Variants in SALL4 observed in about 807,000 individuals in gnomAD.
SALL4 encodes spalt like transcription factor 4.
A neutral mutation model predicts 60.8 loss-of-function variants in SALL4; 4 were observed. That is an observed-to-expected ratio of 0.07 (90% CI 0.03 to 0.15). The LOEUF (loss-of-function observed/expected upper bound fraction) is 0.15, where lower values mean the gene tolerates loss of function less well. SALL4 is among the 10% of genes least tolerant of loss of function. The probability of loss-of-function intolerance (pLI) is 1.00; values close to 1 mark genes in which losing one functional copy is unlikely to be tolerated. For synonymous variants in SALL4, 580 were observed against 574.9 expected (o/e 1.01, Z -0.13); for missense variants, 1,178 against 1,394.7 (o/e 0.84, Z 2.48).
intron 1 of SALL4, among the ~76,000 whole-genome samples, chr20:51,800,674 C>T (rs1349153463): frequency 6.6e-6 from 1 of 152,132 alleles, no homozygotes; most frequent in Non-Finnish European, 1.5e-5. Flanking sequence ...TGAGGGTTAA[C>T]CCTTTTGTTC....
At chr20:51,797,738 T>A (rs2078087371) in intron 1 of SALL4, among the ~76,000 whole-genome samples, 1 of 148,330 alleles carries the variant, frequency 6.7e-6, no homozygotes. Flanking sequence ...AATGTTATCT[T>A]GCAGCATCTA....
rs777422293 is a variant in SALL4, at chr20:51,789,150, C to A, written c.2462-9G>T. Reference sequence around the variant, plus strand: ...AGGGAGACTGCTCCGACCTAGTACACAGAGGGGAAAAAAGCCAGACCTTTA... The same window carrying A: ...AGGGAGACTGCTCCGACCTAGTACAAAGAGGGGAAAAAAGCCAGACCTTTA... On this transcript the variant is annotated splice_polypyrimidine_tract_variant and intron_variant, in intron 2 of 3. Transcript: ENST00000217086. 8.7e-6 allele frequency: 14 copies of A among 1,612,878 alleles called. No homozygotes were observed. The highest frequency in any genetic ancestry group is 1.3e-5 in the African/African-American group (1 of 74,870).
Position 51,788,887 on chromosome 20 carries a change from C to T in SALL4, c.2716G>A (p.Ala906Thr). Residue 906 changes from alanine (A) to threonine (T), a missense_variant, in exon 3 of 4, where the codon GCT (alanine) becomes ACT (threonine). Coordinates refer to ENST00000217086, the MANE Select transcript of SALL4 (RefSeq NM_020436.5). The surrounding 1 kb of genome is among the most constrained non-coding windows in gnomAD (Gnocchi z 4.1). ...KPFVCNICGR[A>T]FTTKGNLKVH... ...TTTAAGTTGCCTTTGGTGGTAAAAG[C>T]TCGCCCACAAATGTTGCACACAAAA... 1 of 1,614,192 alleles carries T rather than the reference C, an allele frequency of 6.2e-7. No individual in the cohort carries two copies.
At chr20:51,785,096 A>C (rs2077982531) in intron 3 of SALL4, among the ~76,000 whole-genome samples, 1 of 152,148 alleles carries the variant, frequency 6.6e-6, no homozygotes, top group Non-Finnish European at 1.5e-5. Context: ...TGAGGTCAGG[A>C]GTTCAAGACC....
intron 1 of SALL4, chr20:51,793,090 T>C (rs575290775): frequency 4.0e-5 from 19 of 475,478 alleles, no homozygotes; most frequent in East Asian, 1.5e-4. Context: ...CACCCACCCA[T>C]AGTGTGAGAA....
chr20:51,798,606 G>A (rs1038580414), intron 1 of SALL4, among the ~76,000 whole-genome samples: 2 of 152,000 alleles, frequency 1.3e-5, no homozygotes, highest in African/African-American at 2.4e-5. Context: ...AACTCTTTTC[G>A]CCATCAATTT....
At position 51,790,920 on chromosome 20, in the gene SALL4, G is replaced by C. The variant is rs769031930; in HGVS notation, c.1563C>G (p.Leu521=). 5.6e-6 allele frequency: 9 copies of C among 1,614,130 alleles called. No homozygotes were observed. The highest frequency in any genetic ancestry group is 7.6e-6 in the Non-Finnish European group (9 of 1,180,016). The part of the protein sequence containing the change: ...PSPESEGGPT[L]PGVGPNYNSP... ...AATTATAGTTTGGTCCCACCCCAGG[G>C]AGTGTGGGTCCACCCTCACTTTCTG... Residue 521 remains leucine, a synonymous_variant, in exon 2 of 4, where the codon CTC becomes CTG. Coordinates refer to ENST00000217086, the MANE Select transcript of SALL4 (RefSeq NM_020436.5). This position sits in a 1 kb window ranked among gnomAD's most constrained non-coding sequence, Gnocchi z 5.5.
chr20:51,786,980 A>G (rs1024677039), intron 3 of SALL4, among the ~76,000 whole-genome samples: 2 of 152,300 alleles, frequency 1.3e-5, no homozygotes, highest in African/African-American at 4.8e-5. Flanking sequence ...CTGAAGTCCC[A>G]GCTACTCAGG....
At chr20:51,798,600 CTT>C (rs1249760862) in intron 1 of SALL4, among the ~76,000 whole-genome samples, 1 of 152,100 alleles carries the variant, frequency 6.6e-6, no homozygotes, top group African/African-American at 2.4e-5. Context: ...TTCTGGAACT[CTT>C]TTCGCCATCA....
Position 51,784,334 on chromosome 20 carries a change from A to T in SALL4, c.3093T>A (p.Ser1031Arg). ...SGISADVEKP[S>R]ATDGVPKHQF... ...GGTGTTTGGGAACGCCGTCAGTAGC[A>T]CTTGGTTTTTCCACATCTGCACTGA... Residue 1031 changes from serine to arginine, a missense_variant, in exon 4 of 4, where the codon AGT becomes AGA. By Grantham distance (110) the Ser-to-Arg change is moderately radical (BLOSUM62 -1). Coordinates refer to ENST00000217086, the MANE Select transcript of SALL4 (RefSeq NM_020436.5). The T allele has an allele frequency of 6.2e-7, 1 of 1,614,148 alleles. No individual in the cohort carries two copies. The highest frequency in any genetic ancestry group is 8.5e-7 in the Non-Finnish European group (1 of 1,180,036).
intron 2 of SALL4, 66 bp from the exon 3 acceptor site, chr20:51,789,207 A>G: frequency 6.4e-7 from 1 of 1,567,958 alleles, no homozygotes; most frequent in Admixed American, 1.8e-5. Context: ...TCTTCAAAGC[A>G]AAAGAGATCT....
rs1273401365 is a variant in SALL4 at position 51,802,441 on chromosome 20, G to T, written c.-33C>A. ...GCATCGGGGCGCCGGGAGAGCCGCAGTTATTTGCCCTCTCCGCCACAAATT... is the reference window on the plus strand; with the variant it reads ...GCATCGGGGCGCCGGGAGAGCCGCATTTATTTGCCCTCTCCGCCACAAATT... On this transcript the variant is annotated 5_prime_UTR_variant, in exon 1 of 4. In the 5' UTR this introduces an upstream ATG that the reference lacks. Coordinates refer to ENST00000217086, the MANE Select transcript of SALL4 (RefSeq NM_020436.5). 2.5e-6 allele frequency: 4 copies of T among 1,612,472 alleles called. No homozygotes were observed. Among genetic ancestry groups the T allele is most frequent in the Non-Finnish European group, 3.4e-6 (4 of 1,179,810 alleles).
intron 1 of SALL4, 152 bp downstream of exon 1, chr20:51,802,127 G>A (rs1249049109): frequency 2.3e-6 from 2 of 869,132 alleles, no homozygotes; most frequent in Non-Finnish European, 3.4e-6. Flanking sequence ...GTGGGGAGAG[G>A]AGGAGACCTC....
intron 1 of SALL4, among the ~76,000 whole-genome samples, chr20:51,798,416 C>G (rs534777981): frequency 2.7e-5 from 4 of 150,886 alleles, no homozygotes; most frequent in African/African-American, 7.3e-5. Flanking sequence ...GTCTCCAGAG[C>G]CCCCCTGAAC....
Position 51,784,616 on chromosome 20 carries a change from G to T in SALL4, c.2811C>A (p.Asn937Lys). The T allele has an allele frequency of 6.2e-7, 1 of 1,614,192 alleles. No individual in the cohort carries two copies. Among genetic ancestry groups the T allele is most frequent in the South Asian group, 1.1e-5 (1 of 91,080 alleles). ...CGTCCGTACCTAACAGAGCCATGGT[G>T]TTCTCGATGGCCAACTTCCTTCCAC... Reference protein sequence around the residue: ...ARRGRKLAIENTMALLGTDGK... With the variant: ...ARRGRKLAIEKTMALLGTDGK... The change falls in exon 4 of 4, where the codon AAC (asparagine) becomes AAA (lysine). Residue 937 changes from asparagine to lysine, a missense_variant. By Grantham distance (94) the Asn-to-Lys change is moderately conservative. This residue lies in a region of SALL4 where 174 missense variants were observed against 169.6 expected (regional missense o/e 1.03). Coordinates refer to ENST00000217086, the MANE Select transcript of SALL4 (RefSeq NM_020436.5).
At chr20:51,789,485 T>C (rs1050178571) in intron 2 of SALL4, among the ~76,000 whole-genome samples, 7 of 152,160 alleles carry the variant, frequency 4.6e-5, no homozygotes, top group African/African-American at 1.7e-4. Context: ...TTTCCCTTAT[T>C]TTACCATTAA....
In SALL4 at chr20:51,791,122, C is replaced by A. The variant is rs2122963900; in HGVS notation, c.1361G>T (p.Gly454Val). The change falls in exon 2 of 4, where the codon GGC (glycine) becomes GTC (valine). Residue 454 changes from glycine (G) to valine (V), a missense_variant. This residue lies in a region of SALL4 where 853 missense variants were observed against 1,036.8 expected (regional missense o/e 0.82). Coordinates refer to ENST00000217086, the MANE Select transcript of SALL4 (RefSeq NM_020436.5). The surrounding 1 kb of genome is among the most constrained non-coding windows in gnomAD (Gnocchi z 4.6). ...EFQDKVAAGN[G>V]IPYALSVPDP... ...AGGTACAGAGAGTGCATAGGGGATG[C>A]CATTGCCGGCCGCCACTTTGTCCTG... 8.7e-6 allele frequency: 14 copies of A among 1,614,076 alleles called. No homozygotes were observed. The highest frequency in any genetic ancestry group is 1.2e-5 in the Non-Finnish European group (14 of 1,180,022).
intron 3 of SALL4, among the ~76,000 whole-genome samples, chr20:51,787,330 A>C (rs868583860): frequency 3.3e-5 from 5 of 152,104 alleles, no homozygotes; most frequent in African/African-American, 1.2e-4. Flanking sequence ...AGGCTGAGGC[A>C]GGAGAATTGC....
At position 51,791,156 on chromosome 20, in the gene SALL4, C is replaced by T. The variant is rs2078037446; in HGVS notation, c.1327G>A (p.Ala443Thr). The change falls in exon 2 of 4, where the codon GCC becomes ACC. Residue 443 changes from alanine (A) to threonine (T), a missense_variant. Around this residue, in one of 5 missense-constraint regions of SALL4, gnomAD observed 853 missense variants for 1,036.8 expected, o/e 0.82. Transcript: ENST00000217086. The surrounding 1 kb of genome is among the most constrained non-coding windows in gnomAD (Gnocchi z 4.6). ...GCCGCCACTTTGTCCTGGAACTCGG[C>T]AAACAGCTGGGGGTTTGCCTTCACC... Reference protein sequence around the residue: ...PQVKANPQLFAEFQDKVAAGN... With the variant: ...PQVKANPQLFTEFQDKVAAGN... 6.2e-7 allele frequency: 1 copy of T among 1,614,010 alleles called. No individual in the cohort carries two copies. The highest frequency in any genetic ancestry group is 1.1e-5 in the South Asian group (1 of 91,086).
Sources: allele counts gnomAD v4.1 joint callset (sites outside exome capture counted in the v4.1 genomes callset), GRCh38; gene constraint gnomAD v4.1.1; regional missense constraint gnomAD v4.1.1; non-coding constraint Gnocchi (gnomAD v3.1); transcripts MANE v1.5; gene names NCBI Gene and HGNC (gene_info 2026-07-23, HGNC 2026-07-21).